FMN1: variants seen among roughly 807,000 people sequenced by gnomAD.
FMN1 encodes the protein formin 1.
FMN1 carries 110 observed loss-of-function variants against 132.4 expected under a neutral mutation model. The ratio of observed to expected loss-of-function variants is 0.83; its 90% CI spans 0.71 to 0.97. The LOEUF (loss-of-function observed/expected upper bound fraction) is 0.97. Among genes scored for constraint, FMN1 ranks in the 50% least tolerant of loss-of-function variants. The probability of loss-of-function intolerance (pLI) is 0.00; values close to 1 mark genes in which losing one functional copy is unlikely to be tolerated. For missense variants in FMN1, 1,792 were observed against 1,705.3 expected (o/e 1.05, Z -0.90); for synonymous variants, 722 against 651.7 (o/e 1.11, Z -1.64).
intron 7 of FMN1, among the ~76,000 whole-genome samples, chr15:32,998,855 A>G (rs1479914295): frequency 1.3e-5 from 2 of 152,224 alleles, no homozygotes; most frequent in African/African-American, 4.8e-5. Flanking sequence ...TCAACATTCT[A>G]CAACAGCCTC....
At chr15:32,776,649 A>T (rs1050937388) in intron 20 of FMN1, among the ~76,000 whole-genome samples, 186 bp downstream of exon 20, 1 of 151,916 alleles carries the variant, frequency 6.6e-6, no homozygotes, top group South Asian at 2.1e-4. Flanking sequence ...TACAGGAAAA[A>T]CATATAAAGC....
chr15:32,876,216 G>A (rs562415453), intron 16 of FMN1, among the ~76,000 whole-genome samples: 69 of 152,258 alleles, frequency 4.5e-4, no homozygotes, highest in African/African-American at 1.4e-3. Context: ...TATTCCTGTT[G>A]TTCTTTTTAT....
chr15:33,102,961 G>C (rs1240217357), intron 4 of FMN1, among the ~76,000 whole-genome samples: 2 of 152,022 alleles, frequency 1.3e-5, no homozygotes, highest in East Asian at 3.9e-4. Context: ...TTCCTCCATA[G>C]AATGTCTTTA....
intron 7 of FMN1, among the ~76,000 whole-genome samples, chr15:32,995,300 A>T (rs1411648665): frequency 6.6e-6 from 1 of 152,166 alleles, no homozygotes; most frequent in Non-Finnish European, 1.5e-5. Flanking sequence ...TCTTGGAAAG[A>T]ATCTTAGTTG....
At chr15:32,924,405 G>C (rs2060906345) in intron 10 of FMN1, among the ~76,000 whole-genome samples, 1 of 152,142 alleles carries the variant, frequency 6.6e-6, no homozygotes, top group Non-Finnish European at 1.5e-5. Context: ...CCCTTGAATG[G>C]AAAAGTAGCA....
At chr15:33,121,906 T>A (rs1962595512) in intron 4 of FMN1, among the ~76,000 whole-genome samples, 1 of 152,216 alleles carries the variant, frequency 6.6e-6, no homozygotes, top group African/African-American at 2.4e-5. Flanking sequence ...AGAGCCACAA[T>A]AAGAAAAATC....
intron 6 of FMN1, chr15:33,012,423 T>A (rs1351816833): frequency 9.5e-6 from 9 of 948,626 alleles, no homozygotes; most frequent in Middle Eastern, 3.2e-4. Context: ...CCCACTCAAC[T>A]GTGAAAAAGA....
At chr15:32,880,600 A>G (rs914930307) in intron 16 of FMN1, among the ~76,000 whole-genome samples, 3 of 152,188 alleles carry the variant, frequency 2.0e-5, no homozygotes, top group Non-Finnish European at 4.4e-5. Context: ...TTTCTTTAGT[A>G]GCATCCTGAA....
intron 6 of FMN1, among the ~76,000 whole-genome samples, chr15:33,011,866 A>G (rs191389698): frequency 1.2e-3 from 178 of 152,322 alleles, no homozygotes; most frequent in Non-Finnish European, 2.2e-3. Flanking sequence ...AATCAGGAAT[A>G]TTTAAGGTCT....
intron 17 of FMN1, among the ~76,000 whole-genome samples, chr15:32,824,228 C>A (rs2058309899): frequency 1.3e-5 from 2 of 152,108 alleles, no homozygotes; most frequent in Non-Finnish European, 2.9e-5. Context: ...GCAACACGTC[C>A]CATTTCCTTC....
intron 19 of FMN1, among the ~76,000 whole-genome samples, chr15:32,789,197 AG>A (rs2056982396): frequency 6.6e-6 from 1 of 152,202 alleles, no homozygotes; most frequent in Non-Finnish European, 1.5e-5. Flanking sequence ...ATTATCTTCT[AG>A]GGGCCTATGA....
At chr15:32,856,021 C>T (rs2059123953) in intron 17 of FMN1, among the ~76,000 whole-genome samples, 1 of 152,300 alleles carries the variant, frequency 6.6e-6, no homozygotes, top group Admixed American at 6.5e-5. Flanking sequence ...AACCTTTCAT[C>T]ATGGAGAAGG....
Position 33,137,423 on chromosome 15 carries a change from G to C in FMN1, c.1867+15625C>G, listed in dbSNP as rs112792160. Among the ~76,000 whole-genome samples the C allele has an allele frequency of 9.2e-5, 14 of 152,214 alleles. 1 individual carries two copies. The highest frequency in any genetic ancestry group is 3.1e-4 in the African/African-American group (13 of 41,536). ...CCCTCTGCCTACCTTGAATGAGAAG[G>C]GTAGCTATATATATTTCTAAGAGGA... On this transcript the variant is annotated intron_variant, in intron 4 of 20. Coordinates refer to ENST00000616417, the MANE Select transcript of FMN1 (RefSeq NM_001277313.2).
intron 10 of FMN1, 46 bp downstream of exon 10, chr15:32,926,128 T>C: frequency 9.4e-7 from 1 of 1,068,614 alleles, no homozygotes; most frequent in Non-Finnish European, 1.4e-6. Flanking sequence ...TGAAATGTTT[T>C]TTAAAAAATG....
At chr15:33,172,163 G>A (rs542352095) in intron 3 of FMN1, among the ~76,000 whole-genome samples, 42 of 151,618 alleles carry the variant, frequency 2.8e-4, no homozygotes, top group Middle Eastern at 6.8e-3. Flanking sequence ...AGCCGAGATC[G>A]CGCCACTGCA....
intron 4 of FMN1, among the ~76,000 whole-genome samples, chr15:33,144,637 G>GAA (rs10606867): frequency 2.9e-4 from 29 of 101,116 alleles, no homozygotes; most frequent in East Asian, 9.4e-4. Context: ...GACTCCGTCT[G>GAA]AAAAAAAAAA....
intron 19 of FMN1, among the ~76,000 whole-genome samples, chr15:32,777,407 T>G (rs1467735518): frequency 1.3e-5 from 2 of 149,918 alleles, no homozygotes; most frequent in Admixed American, 1.3e-4. Context: ...TATGTATTTT[T>G]CATTCTGTAG....
intron 4 of FMN1, among the ~76,000 whole-genome samples, chr15:33,089,722 G>A (rs1381102152): frequency 6.6e-6 from 1 of 152,176 alleles, no homozygotes; most frequent in Non-Finnish European, 1.5e-5. Flanking sequence ...CATAAAATCA[G>A]TAAATGGTTA....
chr15:32,938,873 G>T (rs957384161), intron 9 of FMN1, among the ~76,000 whole-genome samples: 10 of 151,892 alleles, frequency 6.6e-5, no homozygotes, highest in African/African-American at 2.4e-4. Context: ...TATTGTTTTT[G>T]CTATATTTTC....
Sources: allele counts gnomAD v4.1 joint callset (sites outside exome capture counted in the v4.1 genomes callset), GRCh38; gene constraint gnomAD v4.1.1; transcripts MANE v1.5; gene names NCBI Gene and HGNC (gene_info 2026-07-23, HGNC 2026-07-21).